RAG1: variants seen among roughly 807,000 people sequenced by gnomAD.
RAG1 encodes the protein V(D)J recombination-activating protein 1.
A neutral mutation model predicts 62.7 loss-of-function variants in RAG1; 35 were observed. That is an observed-to-expected ratio of 0.56 (90% CI 0.43 to 0.74). The LOEUF is 0.74. Among genes scored for constraint, RAG1 ranks in the 30% least tolerant of loss-of-function variants. RAG1 has a pLI of 0.00. For synonymous variants in RAG1, 461 were observed against 470.3 expected, an observed-to-expected ratio of 0.98 and a Z score of 0.26; for missense variants, 1,169 against 1,278.6, an observed-to-expected ratio of 0.91 and a Z score of 1.31.
At chr11:36,572,145 A>T (rs1156645320) in intron 1 of RAG1, among the ~76,000 whole-genome samples, 1 of 152,196 alleles carries the variant, frequency 6.6e-6, no homozygotes, top group Non-Finnish European at 1.5e-5. Context: ...TGAGGGAAAA[A>T]CATATGTTAC....
chr11:36,570,891 T>A (rs1590699562), intron 1 of RAG1, among the ~76,000 whole-genome samples: 2 of 152,362 alleles, frequency 1.3e-5, no homozygotes, highest in African/African-American at 4.8e-5. Flanking sequence ...CCTGTAGAGT[T>A]GTTTGAGCTC....
chr11:36,560,364 G>A (rs567135590), intron 3 of RAG1, among the ~76,000 whole-genome samples: 58 of 152,284 alleles, frequency 3.8e-4, no homozygotes, highest in African/African-American at 1.4e-3. Context: ...TACACTACCT[G>A]TTTCTTGGGG....
chr11:36,532,446 T>A (rs1860270736), intron 2 of RAG1, among the ~76,000 whole-genome samples: 1 of 152,146 alleles, frequency 6.6e-6, no homozygotes, highest in Non-Finnish European at 1.5e-5. Context: ...TATGAACACT[T>A]TTCTATTTCA....
intron 2 of RAG1, among the ~76,000 whole-genome samples, chr11:36,520,569 G>A (rs10742375): frequency 0.49 from 75,108 of 152,116 alleles, 21,306 homozygotes; most frequent in East Asian, 0.72. Context: ...GAGCCATGGC[G>A]CCTGGCTGAA....
rs1423722657 is a variant in RAG1, at chr11:36,574,923, G to A, written c.1619G>A (p.Gly540Glu). Residue 540 changes from glycine to glutamate, a missense_variant, in exon 2 of 2, where the codon GGG becomes GAG. Gly to Glu is a moderately conservative substitution (Grantham distance 98). Around this residue, in one of 2 missense-constraint regions of RAG1, gnomAD observed 800 missense variants for 943.3 expected, o/e 0.85. Coordinates refer to ENST00000299440, the MANE Select transcript of RAG1 (RefSeq NM_000448.3). Reference sequence around the variant, plus strand: ...AGCACTGATGTTGGCATTATTGATGGGCTGTCTGGACTATCATCCTCTGTG... The same window carrying A: ...AGCACTGATGTTGGCATTATTGATGAGCTGTCTGGACTATCATCCTCTGTG... ...SSSTDVGIID[G>E]LSGLSSSVDD... is the part of the protein sequence containing the mutation. 1 of 1,614,192 alleles carries A rather than the reference G, an allele frequency of 6.2e-7. No individual in the cohort carries two copies. Among genetic ancestry groups the A allele is most frequent in the East Asian group, 2.2e-5 (1 of 44,882 alleles).
intron 1 of RAG1, among the ~76,000 whole-genome samples, chr11:36,515,690 T>C (rs188093010): frequency 2.6e-5 from 4 of 152,070 alleles, no homozygotes; most frequent in Admixed American, 1.3e-4. Context: ...TGTGTGGACA[T>C]GTGGATTTGT....
chr11:36,571,017 T>C (rs1850731711), intron 1 of RAG1, among the ~76,000 whole-genome samples: 1 of 152,208 alleles, frequency 6.6e-6, no homozygotes, highest in Non-Finnish European at 1.5e-5. Context: ...GCAGAAGCTT[T>C]TAACTTGATG....
chr11:36,516,278 AGAC>A (rs1295846750), intron 1 of RAG1, among the ~76,000 whole-genome samples: 2 of 152,242 alleles, frequency 1.3e-5, no homozygotes, highest in African/African-American at 4.8e-5. Flanking sequence ...GTTAGTGCCC[AGAC>A]ACATGGTGTG....
At position 36,575,317 on chromosome 11, in the gene RAG1, G is replaced by A; in HGVS notation, c.2013G>A (p.Leu671=). 1 of 1,614,198 alleles carries A rather than the reference G, an allele frequency of 6.2e-7. No homozygotes were observed. The highest frequency in any genetic ancestry group is 8.5e-7 in the Non-Finnish European group (1 of 1,180,038). Residue 671 remains leucine, a synonymous_variant, in exon 2 of 2, where the codon CTG becomes CTA. Coordinates refer to ENST00000299440, the MANE Select transcript of RAG1 (RefSeq NM_000448.3). The surrounding 1 kb of genome is among the most constrained non-coding windows in gnomAD (Gnocchi z 4.1). ...MLADESDHET[L]TAILSPLIAE... is the part of the protein sequence containing the mutation. ...CAGATGAGTCTGACCACGAGACGCT[G>A]ACTGCCATCCTGAGTCCTCTCATTG...
At chr11:36,529,013 C>T (rs1030931916) in intron 2 of RAG1, among the ~76,000 whole-genome samples, 1 of 151,938 alleles carries the variant, frequency 6.6e-6, no homozygotes, top group African/African-American at 2.4e-5. Flanking sequence ...TACCTATCAA[C>T]CAAAAAAGTC....
At chr11:36,532,697 C>A (rs557127131) in intron 2 of RAG1, among the ~76,000 whole-genome samples, 1 of 152,282 alleles carries the variant, frequency 6.6e-6, no homozygotes, top group South Asian at 2.1e-4. Flanking sequence ...AGCTTATTTG[C>A]TGCTGTATAT....
chr11:36,550,736 T>C (rs1344841247), intron 3 of RAG1, among the ~76,000 whole-genome samples: 2 of 152,112 alleles, frequency 1.3e-5, no homozygotes, highest in Non-Finnish European at 2.9e-5. Context: ...TTAATTCTCA[T>C]GTAGGTTTTT....
rs199474691 is a variant in RAG1 at position 36,575,958 on chromosome 11, T to C, written c.2654T>C (p.Leu885Pro). ...SEERHEALRELMDLYLKMKPV... is the reference protein window; with the variant it reads ...SEERHEALREPMDLYLKMKPV... ...GAGAGGCACGAGGCTCTGAGGGAGC[T>C]GATGGATCTTTACCTGAAGATGAAA... Residue 885 changes from leucine to proline, a missense_variant, in exon 2 of 2, where the codon CTG becomes CCG. Leu to Pro is a moderately conservative substitution (Grantham distance 98, BLOSUM62 -3). This residue lies in a region of RAG1 where 800 missense variants were observed against 943.3 expected (regional missense o/e 0.85). Coordinates refer to ENST00000299440, the MANE Select transcript of RAG1 (RefSeq NM_000448.3). This position sits in a 1 kb window ranked among gnomAD's most constrained non-coding sequence, Gnocchi z 4.1. The C allele has an allele frequency of 1.2e-6, 2 of 1,614,198 alleles. No homozygotes were observed. Among genetic ancestry groups the C allele is most frequent in the Non-Finnish European group, 1.7e-6 (2 of 1,180,028 alleles).
intron 1 of RAG1, among the ~76,000 whole-genome samples, chr11:36,511,417 G>A (rs1283550677): frequency 6.6e-6 from 1 of 152,192 alleles, no homozygotes; most frequent in Non-Finnish European, 1.5e-5. Context: ...TTGCACCACT[G>A]CATTCCAGCC....
chr11:36,512,971 G>A (rs1859947117), intron 1 of RAG1, among the ~76,000 whole-genome samples: 1 of 152,192 alleles, frequency 6.6e-6, no homozygotes, highest in Non-Finnish European at 1.5e-5. Context: ...TGGTGGTTTT[G>A]GGAGGTGGGA....
In RAG1 at chr11:36,543,337, C is replaced by A. The variant is rs139006768; in HGVS notation, c.-412+7303C>A. On this transcript the variant is annotated intron_variant and NMD_transcript_variant, in intron 3 of 9. Transcript: ENST00000534663. ...CACCAGTCCAGCATCAGAGAACCCA[C>A]GGTATGCTTGCCTCATCCCTCTGAT... 2.6e-4 allele frequency among the ~76,000 whole-genome samples: 39 copies of A among 152,362 alleles called. 1 individual carries two copies. The highest frequency in any genetic ancestry group is 1.2e-3 in the South Asian group (6 of 4,830).
intron 3 of RAG1, among the ~76,000 whole-genome samples, chr11:36,541,876 C>T (rs112129074): frequency 0.021 from 3,257 of 152,000 alleles, 114 homozygotes; most frequent in African/African-American, 0.075. Flanking sequence ...TGCAGCAAGA[C>T]GACCCTAAAA....
chr11:36,529,579 G>A (rs969983762), intron 2 of RAG1, among the ~76,000 whole-genome samples: 16 of 152,104 alleles, frequency 1.1e-4, no homozygotes, highest in African/African-American at 3.9e-4. Context: ...TTTGAAAACC[G>A]GCACAAGACA....
At position 36,575,931 on chromosome 11, in the gene RAG1, A is replaced by G; in HGVS notation, c.2627A>G (p.Glu876Gly). Residue 876 changes from glutamate to glycine, a missense_variant, in exon 2 of 2, where the codon GAG becomes GGG. Glu to Gly is a moderately conservative substitution (Grantham distance 98, BLOSUM62 -2). This residue lies in a region of RAG1 where 800 missense variants were observed against 943.3 expected (regional missense o/e 0.85). Coordinates refer to ENST00000299440, the MANE Select transcript of RAG1 (RefSeq NM_000448.3). The surrounding 1 kb of genome is among the most constrained non-coding windows in gnomAD (Gnocchi z 4.1). Reference protein sequence around the residue: ...VDAVCELIPSEERHEALRELM... With the variant: ...VDAVCELIPSGERHEALRELM... ...GCAGTTTGTGAGTTAATTCCTTCCG[A>G]GGAGAGGCACGAGGCTCTGAGGGAG... 1 of 1,614,156 alleles carries G rather than the reference A, an allele frequency of 6.2e-7. No homozygotes were observed.
Sources: gnomAD v4.1 joint callset for allele counts (sites outside exome capture counted in the v4.1 genomes callset) on GRCh38, gnomAD v4.1.1 for gene constraint, gnomAD v4.1.1 regional missense constraint, Gnocchi (gnomAD v3.1) non-coding constraint, MANE v1.5 for transcripts, NCBI Gene and HGNC (gene_info 2026-07-23, HGNC 2026-07-21) for gene names.